HIVEP2: variants seen among roughly 807,000 people sequenced by gnomAD.
The protein encoded by HIVEP2 is transcription factor HIVEP2.
In HIVEP2, 14 loss-of-function variants were observed where a neutral mutation model predicts 180.7. That is an observed-to-expected ratio of 0.08 (90% confidence interval 0.05 to 0.12). HIVEP2 has a LOEUF of 0.12. Ranked by LOEUF, HIVEP2 falls within the 10% of genes least tolerant of loss-of-function variation. The pLI is 1.00. For synonymous variants in HIVEP2, 1,184 were observed against 1,136.4 expected (o/e 1.04, Z -0.84); for missense variants, 2,579 against 3,008.5 (o/e 0.86, Z 3.34).
In HIVEP2 at chr6:142,926,610, G is replaced by A. The variant is rs1777817242; in HGVS notation, c.-641+18489C>T. Among the ~76,000 whole-genome samples, 4 of 152,214 alleles carry A rather than the reference G, an allele frequency of 2.6e-5. No homozygotes were observed. The South Asian group carries it at 6.2e-4, about 24-fold the overall frequency. ...ATCAGGCCCCACTTCGGGAGCCCCCGGTGCTCCGGGCCCACCTGACTGGGC... is the reference window on the plus strand; with the variant it reads ...ATCAGGCCCCACTTCGGGAGCCCCCAGTGCTCCGGGCCCACCTGACTGGGC... On this transcript the variant is annotated intron_variant, in intron 1 of 9. Coordinates refer to ENST00000367603, the MANE Select transcript of HIVEP2 (RefSeq NM_006734.4).
At chr6:142,796,811 G>A (rs541460075) in intron 2 of HIVEP2, among the ~76,000 whole-genome samples, 6 of 152,108 alleles carry the variant, frequency 3.9e-5, no homozygotes, top group Non-Finnish European at 7.4e-5. Flanking sequence ...GCACTTTGCT[G>A]GCCGACAAAC....
At chr6:142,916,043 A>T (rs1373447247) in intron 1 of HIVEP2, among the ~76,000 whole-genome samples, 1 of 151,380 alleles carries the variant, frequency 6.6e-6, no homozygotes, top group Non-Finnish European at 1.5e-5. Flanking sequence ...CCTCTCCTTC[A>T]CTCTCTACAG....
At chr6:142,854,329 G>T (rs1225470147) in intron 1 of HIVEP2, among the ~76,000 whole-genome samples, 1 of 152,118 alleles carries the variant, frequency 6.6e-6, no homozygotes, top group Non-Finnish European at 1.5e-5. Flanking sequence ...CCACAACAAA[G>T]ACTTATCTGG....
intron 2 of HIVEP2, among the ~76,000 whole-genome samples, chr6:142,810,494 G>A (rs1776663781): frequency 6.6e-6 from 1 of 152,136 alleles, no homozygotes; most frequent in Non-Finnish European, 1.5e-5. Flanking sequence ...TAGGTTCAGT[G>A]GCTCATGCCT....
chr6:142,807,472 C>T (rs1776583000), intron 2 of HIVEP2, among the ~76,000 whole-genome samples: 1 of 152,088 alleles, frequency 6.6e-6, no homozygotes, highest in African/African-American at 2.4e-5. Context: ...TCTGGCAAAA[C>T]TGAAATGATG....
At chr6:142,822,069 G>A (rs1223999202) in intron 2 of HIVEP2, among the ~76,000 whole-genome samples, 1 of 152,238 alleles carries the variant, frequency 6.6e-6, no homozygotes, top group Non-Finnish European at 1.5e-5. Context: ...GGTGCCAGGA[G>A]GCCACACAGT....
In HIVEP2 at chr6:142,768,462, T is replaced by C. The variant is rs769875209; in HGVS notation, c.5262A>G (p.Arg1754=). The C allele has an allele frequency of 1.4e-5, 22 of 1,613,286 alleles. No homozygotes were observed. The highest frequency in any genetic ancestry group is 1.9e-5 in the Non-Finnish European group (22 of 1,179,512). Residue 1754 remains arginine (R), a synonymous_variant, in exon 6 of 10, where the codon AGA becomes AGG. Coordinates refer to ENST00000367603, the MANE Select transcript of HIVEP2 (RefSeq NM_006734.4). ...RKLVGNILKE[R]GKGDIHGDKD... ...TATCTCCATGAATATCTCCTTTCCC[T>C]CTTTCCTTTAAGATATTTCCCACTA...
Position 142,759,850 on chromosome 6 carries a change from G to T in HIVEP2, c.6438C>A (p.Pro2146=). Residue 2146 remains proline (P), a synonymous_variant, in exon 9 of 10, where the codon CCC becomes CCA. Transcript: ENST00000367603. The stretch of plus-strand genomic sequence containing the variant: ...GTGGGTTATGGTATAAAGCCCTTCT[G>T]GGAGATGGCGCTCTTATTGTGGTCA... ...RYMTTIRAPS[P]RRALYHNPPL... 6.2e-7 allele frequency: 1 copy of T among 1,614,042 alleles called. No homozygotes were observed. The highest frequency in any genetic ancestry group is 8.5e-7 in the Non-Finnish European group (1 of 1,179,908).
chr6:142,787,755 T>C (rs1776041463), intron 2 of HIVEP2, among the ~76,000 whole-genome samples: 1 of 151,978 alleles, frequency 6.6e-6, no homozygotes, highest in Non-Finnish European at 1.5e-5. Context: ...ATTTTTGATA[T>C]AAAGGTAATG....
At chr6:142,884,976 C>T (rs1776659756) in intron 1 of HIVEP2, among the ~76,000 whole-genome samples, 1 of 151,092 alleles carries the variant, frequency 6.6e-6, no homozygotes, top group African/African-American at 2.4e-5. Flanking sequence ...GATACCCAAG[C>T]ATATAGAGAT....
chr6:142,887,906 A>G (rs2128419757), intron 1 of HIVEP2, among the ~76,000 whole-genome samples: 1 of 151,840 alleles, frequency 6.6e-6, no homozygotes, highest in African/African-American at 2.4e-5. Flanking sequence ...AGATTATTTA[A>G]TTATCTGGAA....
chr6:142,855,710 T>C (rs1200630242), intron 1 of HIVEP2, among the ~76,000 whole-genome samples: 4 of 152,244 alleles, frequency 2.6e-5, no homozygotes, highest in Non-Finnish European at 2.9e-5. Flanking sequence ...GAGTTTTTTA[T>C]GCAGTGCTTC....
At chr6:142,845,391 T>G (rs1332604733) in intron 1 of HIVEP2, among the ~76,000 whole-genome samples, 1 of 152,136 alleles carries the variant, frequency 6.6e-6, no homozygotes, top group African/African-American at 2.4e-5. Flanking sequence ...AACAATAAGT[T>G]CTCTCTCCCT....
intron 1 of HIVEP2, among the ~76,000 whole-genome samples, chr6:142,859,684 A>T (rs1003206174): frequency 2.6e-5 from 4 of 151,764 alleles, no homozygotes; most frequent in Non-Finnish European, 5.9e-5. Flanking sequence ...AAGTAAAAAA[A>T]TTAGCCGGGC....
At chr6:142,929,343 G>A (rs528783700) in intron 1 of HIVEP2, among the ~76,000 whole-genome samples, 2 of 152,110 alleles carry the variant, frequency 1.3e-5, no homozygotes, top group East Asian at 1.9e-4. Context: ...CCTGATTACA[G>A]GCTAAATAAA....
chr6:142,755,744 C>G (rs1488796459), intron 9 of HIVEP2, among the ~76,000 whole-genome samples: 1 of 152,200 alleles, frequency 6.6e-6, no homozygotes, highest in African/African-American at 2.4e-5. Flanking sequence ...CCAATAAAAT[C>G]TTATTAGTGC....
At position 142,768,542 on chromosome 6, in the gene HIVEP2, A is replaced by G; in HGVS notation, c.5188-6T>C. 6.2e-7 allele frequency: 1 copy of G among 1,612,094 alleles called. No homozygotes were observed. The highest frequency in any genetic ancestry group is 8.5e-7 in the Non-Finnish European group (1 of 1,179,350). The stretch of plus-strand genomic sequence containing the variant: ...AAGGACGCATCAGGTTTCATCTGTA[A>G]GACAAGAAGAGAGAATCATTTCACA... On this transcript the variant is annotated splice_polypyrimidine_tract_variant and splice_region_variant and intron_variant, in intron 5 of 9. Coordinates refer to ENST00000367603, the MANE Select transcript of HIVEP2 (RefSeq NM_006734.4).
At chr6:142,846,060 A>G (rs1167756149) in intron 1 of HIVEP2, among the ~76,000 whole-genome samples, 1 of 152,190 alleles carries the variant, frequency 6.6e-6, no homozygotes, top group Non-Finnish European at 1.5e-5. Flanking sequence ...CGGCAACAAC[A>G]GCCTGGCCTG....
At chr6:142,808,833 G>A (rs566479219) in intron 2 of HIVEP2, among the ~76,000 whole-genome samples, 2 of 152,082 alleles carry the variant, frequency 1.3e-5, no homozygotes, top group African/African-American at 4.8e-5. Flanking sequence ...GATGGATGGT[G>A]GAGGACCTCA....
Sources: allele counts gnomAD v4.1 joint callset (sites outside exome capture counted in the v4.1 genomes callset), GRCh38; gene constraint gnomAD v4.1.1; transcripts MANE v1.5; gene names NCBI Gene and HGNC (gene_info 2026-07-23, HGNC 2026-07-21).